PRG4: variants seen among roughly 807,000 people sequenced by gnomAD.
PRG4 encodes the protein articular superficial zone protein.
PRG4 carries 61 observed loss-of-function variants against 91.2 expected under a neutral mutation model. The observed-to-expected ratio is 0.67, with a 90% confidence interval of 0.54 to 0.83. PRG4 has a LOEUF of 0.83. PRG4 is among the 40% of genes least tolerant of loss of function. The probability of loss-of-function intolerance (pLI) is 0.00; values close to 1 mark genes in which losing one functional copy is unlikely to be tolerated. For missense variants in PRG4, 1,564 were observed against 1,714.2 expected (o/e 0.91, Z 1.55); for synonymous variants, 576 against 614.2 (o/e 0.94, Z 0.92).
Position 186,306,446 on chromosome 1 carries a change from C to A in PRG4, c.727C>A (p.His243Asn). 1.9e-6 allele frequency: 3 copies of A among 1,613,720 alleles called. No homozygotes were observed. The highest frequency in any genetic ancestry group is 1.7e-6 in the Non-Finnish European group (2 of 1,179,774). The change falls in exon 7 of 13, where the codon CAC becomes AAC. Residue 243 changes from histidine (H) to asparagine (N), a missense_variant. Transcript: ENST00000445192. Reference sequence around the variant, plus strand: ...AACTCCTGACACGTCTACCACCCAACACAATAAAGTCAGCACATCTCCCAA... The same window carrying A: ...AACTCCTGACACGTCTACCACCCAAAACAATAAAGTCAGCACATCTCCCAA... ...VTTPDTSTTQ[H>N]NKVSTSPKIT...
At chr1:186,305,208 T>G (rs951949012) in intron 6 of PRG4, among the ~76,000 whole-genome samples, 2 of 152,190 alleles carry the variant, frequency 1.3e-5, no homozygotes, top group African/African-American at 4.8e-5. Context: ...CTGTCATTCT[T>G]GTTTACTTGA....
Position 186,314,344 on chromosome 1 carries a change from T to C in PRG4, c.*566T>C. The C allele has an allele frequency of 2.6e-6, 1 of 383,272 alleles. No individual in the cohort carries two copies. The highest frequency in any genetic ancestry group is 4.6e-6 in the Non-Finnish European group (1 of 215,494). 23.7% of individuals were successfully genotyped at this position (383,272 alleles called of 1,614,324 possible). On this transcript the variant is annotated 3_prime_UTR_variant, in exon 13 of 13. Coordinates refer to ENST00000445192, the MANE Select transcript of PRG4 (RefSeq NM_005807.6). ...TGGCAATAGGTAGAGATACAACAAA[T>C]GAATATAACACTATAACACTTCATA...
At chr1:186,305,123 A>T (rs529507856) in intron 6 of PRG4, among the ~76,000 whole-genome samples, 1 of 152,212 alleles carries the variant, frequency 6.6e-6, no homozygotes, top group African/African-American at 2.4e-5. Flanking sequence ...CTCTAAAAGC[A>T]AAGGATAAGA....
In PRG4 at chr1:186,309,823, T is replaced by C; in HGVS notation, c.3452T>C (p.Val1151Ala). 2.5e-6 allele frequency: 4 copies of C among 1,613,806 alleles called. No individual in the cohort carries two copies. The highest frequency in any genetic ancestry group is 8.5e-7 in the Non-Finnish European group (1 of 1,179,764). ...DETNICNGKP[V>A]DGLTTLRNGT... ...ACCAATATATGCAATGGTAAGCCAG[T>C]AGATGGACTGACTACTTTGCGCAAT... Residue 1151 changes from valine (V) to alanine (A), a missense_variant, in exon 8 of 13, where the codon GTA becomes GCA. Val to Ala is a moderately conservative substitution (Grantham distance 64). Coordinates refer to ENST00000445192, the MANE Select transcript of PRG4 (RefSeq NM_005807.6).
rs201228993 is a variant in PRG4, at chr1:186,305,022, T to TG, written c.598+107dup. On this transcript the variant is annotated intron_variant, in intron 6 of 12. Transcript: ENST00000445192. ...TTGGCAGAATGAGGACATCTTAATATGGGGGGGAATATAACTTTATGAATA... is the reference window on the plus strand; with the variant it reads ...TTGGCAGAATGAGGACATCTTAATATGGGGGGGGAATATAACTTTATGAATA... 3.8e-3 allele frequency: 4,786 copies of TG among 1,253,268 alleles called. 147 individuals carry two copies. In the African/African-American group the frequency reaches 0.066, roughly 17 times the overall value. 77.6% of individuals were successfully genotyped at this position (1,253,268 alleles called of 1,614,324 possible). A position where few individuals can be genotyped will look rare whatever the true frequency, so the allele number is the denominator to read the frequency against.
At chr1:186,310,142 G>GA (rs1553225152) in intron 8 of PRG4, among the ~76,000 whole-genome samples, 1 of 126,490 alleles carries the variant, frequency 7.9e-6, no homozygotes, top group African/African-American at 2.9e-5. Context: ...TTTTGGGGGG[G>GA]GGGGGTAGTT....
In PRG4 at chr1:186,298,198, T is replaced by G. The variant is rs917045678; in HGVS notation, c.76+1247T>G. Reference sequence around the variant, plus strand: ...GAGTTCAAGAGCAGCCTGGGCAACATGGCAAAATCTTGTCTCTATACAAAA... The same window carrying G: ...GAGTTCAAGAGCAGCCTGGGCAACAGGGCAAAATCTTGTCTCTATACAAAA... On this transcript the variant is annotated intron_variant, in intron 2 of 12. Coordinates refer to ENST00000445192, the MANE Select transcript of PRG4 (RefSeq NM_005807.6). Among the ~76,000 whole-genome samples, 140 of 152,050 alleles carry G rather than the reference T, an allele frequency of 9.2e-4. 4 individuals carry two copies. The highest frequency in any genetic ancestry group is 3.3e-3 in the African/African-American group (136 of 41,474).
Position 186,306,450 on chromosome 1 carries a change from A to G in PRG4, c.731A>G (p.Asn244Ser), listed in dbSNP as rs758607661. The change falls in exon 7 of 13, where the codon AAT (asparagine) becomes AGT (serine). Residue 244 changes from asparagine (N) to serine (S), a missense_variant. This residue lies in a region of PRG4 where 437 missense variants were observed against 459.0 expected (regional missense o/e 0.95). Coordinates refer to ENST00000445192, the MANE Select transcript of PRG4 (RefSeq NM_005807.6). ...TTPDTSTTQHNKVSTSPKITT... is the reference protein window; with the variant it reads ...TTPDTSTTQHSKVSTSPKITT... ...CCTGACACGTCTACCACCCAACACA[A>G]TAAAGTCAGCACATCTCCCAAGATC... The G allele has an allele frequency of 3.1e-6, 5 of 1,613,664 alleles. No homozygotes were observed. Among genetic ancestry groups the G allele is most frequent in the Admixed American group, 3.3e-5 (2 of 59,984 alleles).
chr1:186,313,650 TAACTA>T, intron 12 of PRG4, 26 bp from the exon 13 acceptor site: 1 of 1,358,442 alleles, frequency 7.4e-7, no homozygotes. Context: ...GTTTTCTTTT[TAACTA>T]AAAAAATGTT....
Position 186,314,561 on chromosome 1 carries a change from T to C in PRG4, c.*783T>C, listed in dbSNP as rs1657530972. The stretch of plus-strand genomic sequence containing the variant: ...AAAAATAAATTGGAGGCTTAAGGAT[T>C]AGAAAACTTGTTCCATTTATTACTA... On this transcript the variant is annotated 3_prime_UTR_variant, in exon 13 of 13. Coordinates refer to ENST00000445192, the MANE Select transcript of PRG4 (RefSeq NM_005807.6). 2 of 1,251,088 alleles carry C rather than the reference T, an allele frequency of 1.6e-6. No homozygotes were observed. The highest frequency in any genetic ancestry group is 2.3e-5 in the Admixed American group (1 of 42,986). The allele number at this position is 1,251,088 out of a possible 1,614,324, so 77.5% of individuals were successfully genotyped here.
At chr1:186,303,994 C>A in intron 4 of PRG4, 114 bp from the exon 5 acceptor site, 1 of 1,106,580 alleles carries the variant, frequency 9.0e-7, no homozygotes, top group Non-Finnish European at 1.4e-6. Context: ...AGCCTGCCTG[C>A]ACTGGCTGTC....
chr1:186,308,320 C>T lies in PRG4; in HGVS notation c.2601C>T (p.Thr867=). The T allele has an allele frequency of 1.2e-6, 2 of 1,613,986 alleles. No homozygotes were observed. Among genetic ancestry groups the T allele is most frequent in the Non-Finnish European group, 1.7e-6 (2 of 1,180,036 alleles). Residue 867 remains threonine (T), a synonymous_variant, in exon 7 of 13, where the codon ACC becomes ACT. Coordinates refer to ENST00000445192, the MANE Select transcript of PRG4 (RefSeq NM_005807.6). ...VSTPTTTKEP[T]TIHKSPDEST... ...CTCCAACTACCACCAAGGAGCCTAC[C>T]ACTATCCACAAAAGCCCTGATGAAT...
At position 186,308,958 on chromosome 1, in the gene PRG4, A is replaced by ACCAAACT. The variant is rs769917456; in HGVS notation, c.3254_3260dup (p.Val1088GlnfsTer4). ...ATGCTCCAAACCACCACCAGACCTAACCAAACTCCAAACTCCAAACTAGTT... is the reference window on the plus strand; with the variant it reads ...ATGCTCCAAACCACCACCAGACCTAACCAAACTCCAAACTCCAAACTCCAAACTAGTT... On this transcript the variant is annotated frameshift_variant, in exon 7 of 13. Transcript: ENST00000445192. LOFTEE classifies it high-confidence loss of function. 5 of 1,608,702 alleles carry ACCAAACT rather than the reference A, an allele frequency of 3.1e-6. No homozygotes were observed. The Middle Eastern group carries it at 5.0e-4, about 161-fold the overall frequency.
chr1:186,311,267 TTAAA>T (rs1307756548), intron 9 of PRG4, 97 bp downstream of exon 9: 2 of 1,431,724 alleles, frequency 1.4e-6, no homozygotes, highest in Non-Finnish European at 2.0e-6. Context: ...ATGTGTCCTT[TTAAA>T]TACTCTGTCA....
In PRG4 at chr1:186,308,820, C is replaced by T; in HGVS notation, c.3101C>T (p.Thr1034Ile). ...AAAGCACCCAAAAAACCCACTTCTACCAAAAAGCCAAAAACAATGCCTAGA... is the reference window on the plus strand; with the variant it reads ...AAAGCACCCAAAAAACCCACTTCTATCAAAAAGCCAAAAACAATGCCTAGA... ...PTKAPKKPTS[T>I]KKPKTMPRVR... The change falls in exon 7 of 13, where the codon ACC becomes ATC. Residue 1034 changes from threonine to isoleucine, a missense_variant. This residue lies in a region of PRG4 where 1,079 missense variants were observed against 1,162.2 expected (regional missense o/e 0.93). Transcript: ENST00000445192. The T allele has an allele frequency of 6.2e-7, 1 of 1,613,878 alleles. No homozygotes were observed. Among genetic ancestry groups the T allele is most frequent in the Non-Finnish European group, 8.5e-7 (1 of 1,179,988 alleles).
intron 10 of PRG4, chr1:186,311,953 T>C (rs1054921794): frequency 5.4e-6 from 3 of 556,760 alleles, no homozygotes; most frequent in African/African-American, 3.7e-5. Flanking sequence ...TGAAATTAAA[T>C]ATATAACTAT....
intron 12 of PRG4, chr1:186,313,332 T>A (rs935924738): frequency 8.5e-5 from 27 of 317,872 alleles, no homozygotes; most frequent in Admixed American, 1.9e-4. Context: ...TCTAAGTTAT[T>A]CTGCCTGTAA....
At chr1:186,296,418 G>A (rs1188820055) in intron 1 of PRG4, 125 bp downstream of exon 1, 2 of 161,056 alleles carry the variant, frequency 1.2e-5, no homozygotes, top group East Asian at 1.8e-4. Flanking sequence ...CAATACACCT[G>A]TTGGAAGCCT....
At position 186,308,957 on chromosome 1, in the gene PRG4, A is replaced by T; in HGVS notation, c.3238A>T (p.Asn1080Tyr). The T allele has an allele frequency of 6.2e-7, 1 of 1,608,866 alleles. No individual in the cohort carries two copies. Among genetic ancestry groups the T allele is most frequent in the Non-Finnish European group, 8.5e-7 (1 of 1,177,630 alleles). The change falls in exon 7 of 13, where the codon AAC becomes TAC. Residue 1080 changes from asparagine (N) to tyrosine (Y), a missense_variant. Coordinates refer to ENST00000445192, the MANE Select transcript of PRG4 (RefSeq NM_005807.6). ...CATGCTCCAAACCACCACCAGACCT[A>T]ACCAAACTCCAAACTCCAAACTAGT... ...EAMLQTTTRP[N>Y]QTPNSKLVEV...
Sources: allele counts gnomAD v4.1 joint callset (sites outside exome capture counted in the v4.1 genomes callset), GRCh38; gene constraint gnomAD v4.1.1; regional missense constraint gnomAD v4.1.1; transcripts MANE v1.5; gene names NCBI Gene and HGNC (gene_info 2026-07-23, HGNC 2026-07-21).